The following MBOAT2 variants were observed in gnomAD, a reference collection of about 807,000 sequenced individuals.
The protein encoded by MBOAT2 is membrane-bound glycerophospholipid O-acyltransferase 2.
Under a neutral mutation model 63.4 loss-of-function variants are expected in MBOAT2, and 28 were observed. The ratio of observed to expected loss-of-function variants is 0.44; its 90% confidence interval spans 0.33 to 0.61. MBOAT2 has a LOEUF of 0.61. Among genes scored for constraint, MBOAT2 ranks in the 20% least tolerant of loss-of-function variants. The probability of loss-of-function intolerance (pLI) is 0.03; values close to 1 mark genes in which losing one functional copy is unlikely to be tolerated. For missense variants in MBOAT2, 470 were observed against 605.8 expected (o/e 0.78, Z 2.35); for synonymous variants, 211 against 215.6 (o/e 0.98, Z 0.19).
In MBOAT2 at chr2:8,853,078, A is replaced by G. The variant is rs1220185492; in HGVS notation, c.*5601T>C. 1 of 152,226 alleles carries G rather than the reference A, an allele frequency of 6.6e-6. No homozygotes were observed. The highest frequency in any genetic ancestry group is 2.4e-5 in the African/African-American group (1 of 41,458). 9.4% of individuals were successfully genotyped at this position (152,226 alleles called of 1,614,324 possible). Reference sequence around the variant, plus strand: ...TCATGTTTGGGCGACTGAGGGCTCAACTACTACTAGGCAGAGATCAAGACA... The same window carrying G: ...TCATGTTTGGGCGACTGAGGGCTCAGCTACTACTAGGCAGAGATCAAGACA... On this transcript the variant is annotated 3_prime_UTR_variant, in exon 13 of 13. Transcript: ENST00000305997.
chr2:8,978,712 A>G (rs1670999484), intron 1 of MBOAT2, among the ~76,000 whole-genome samples: 1 of 152,124 alleles, frequency 6.6e-6, no homozygotes, highest in South Asian at 2.1e-4. Context: ...TAGCTAATGC[A>G]TCGGAGCCTA....
intron 7 of MBOAT2, among the ~76,000 whole-genome samples, chr2:8,876,206 A>G (rs572109175): frequency 6.6e-6 from 1 of 152,204 alleles, no homozygotes; most frequent in East Asian, 1.9e-4. Context: ...CAAGTGCCCC[A>G]GTGGCTTAAA....
At chr2:8,960,366 C>A (rs1377461041) in intron 1 of MBOAT2, among the ~76,000 whole-genome samples, 6 of 152,172 alleles carry the variant, frequency 3.9e-5, no homozygotes, top group Admixed American at 2.0e-4. Flanking sequence ...GAGTCCCAGT[C>A]CTAGCTCAGG....
chr2:8,868,630 A>G (rs1228856388), intron 8 of MBOAT2, 81 bp from the exon 9 acceptor site: 10 of 1,103,878 alleles, frequency 9.1e-6, no homozygotes, highest in South Asian at 2.8e-5. Context: ...ATGTGTTATT[A>G]TATCTTTTAT....
chr2:9,003,661 G>T lies in MBOAT2; in HGVS notation c.-47C>A. ...CCGCCCGCGCCGCTCGCCCGCTCGC[G>T]CTGTGCCGGGCGACGACGAGGATGG... On this transcript the variant is annotated 5_prime_UTR_variant, in exon 1 of 13. Coordinates refer to ENST00000305997, the MANE Select transcript of MBOAT2 (RefSeq NM_138799.4). The surrounding 1 kb of genome is among the most constrained non-coding windows in gnomAD (Gnocchi z 5.4). The T allele has an allele frequency of 1.8e-6, 2 of 1,102,466 alleles. No individual in the cohort carries two copies. Among genetic ancestry groups the T allele is most frequent in the Non-Finnish European group, 2.2e-6 (2 of 902,060 alleles). The allele number at this position is 1,102,466 out of a possible 1,614,324, so 68.3% of individuals were successfully genotyped here.
intron 12 of MBOAT2, among the ~76,000 whole-genome samples, chr2:8,859,471 T>G (rs1352552294): frequency 6.6e-6 from 1 of 152,222 alleles, no homozygotes; most frequent in African/African-American, 2.4e-5. Flanking sequence ...TAACCTAAAC[T>G]GTATCTATAA....
At chr2:8,894,910 G>A (rs955953195) in intron 4 of MBOAT2, among the ~76,000 whole-genome samples, 4 of 151,746 alleles carry the variant, frequency 2.6e-5, no homozygotes, top group East Asian at 1.9e-4. Context: ...TGGTCTCCCC[G>A]ACTTCAGGAG....
intron 1 of MBOAT2, among the ~76,000 whole-genome samples, chr2:8,963,268 G>A (rs1669748120): frequency 6.6e-6 from 1 of 151,858 alleles, no homozygotes; most frequent in African/African-American, 2.4e-5. Flanking sequence ...GGGGGGCAGG[G>A]GGAGGGAAAA....
chr2:8,998,758 G>A (rs186235133), intron 1 of MBOAT2, among the ~76,000 whole-genome samples: 19 of 152,066 alleles, frequency 1.2e-4, no homozygotes, highest in African/African-American at 4.1e-4. Flanking sequence ...CTTCAGTGTC[G>A]ACTTCAGGGA....
At chr2:8,945,764 A>T (rs1217045481) in intron 2 of MBOAT2, among the ~76,000 whole-genome samples, 1 of 152,168 alleles carries the variant, frequency 6.6e-6, no homozygotes, top group African/African-American at 2.4e-5. Flanking sequence ...GTTTGTTTTC[A>T]GATATCACAT....
Position 8,912,827 on chromosome 2 carries a change from A to G in MBOAT2, c.300-4111T>C, listed in dbSNP as rs554257969. On this transcript the variant is annotated intron_variant, in intron 3 of 12. Transcript: ENST00000305997. ...AAAATACCACCATCATTCTTCACAG[A>G]GTTAGAAAAAGCAGTTCTAAAATTC... Among the ~76,000 whole-genome samples, 17 of 152,346 alleles carry G rather than the reference A, an allele frequency of 1.1e-4. No individual in the cohort carries two copies. The South Asian group carries it at 3.5e-3, about 32-fold the overall frequency.
At chr2:8,930,600 T>C (rs965756847) in intron 3 of MBOAT2, among the ~76,000 whole-genome samples, 4 of 151,546 alleles carry the variant, frequency 2.6e-5, no homozygotes, top group Non-Finnish European at 5.9e-5. Flanking sequence ...TACCCAGTAA[T>C]GGGACGGCTG....
At chr2:8,874,779 C>T (rs1039686701) in intron 7 of MBOAT2, among the ~76,000 whole-genome samples, 3 of 152,182 alleles carry the variant, frequency 2.0e-5, no homozygotes, top group African/African-American at 7.2e-5. Flanking sequence ...GAGCCCTCCT[C>T]CCCTTCCTGC....
At chr2:8,863,761 A>T (rs981564411) in intron 10 of MBOAT2, among the ~76,000 whole-genome samples, 2 of 152,218 alleles carry the variant, frequency 1.3e-5, no homozygotes, top group South Asian at 4.1e-4. Context: ...TAACAAATAA[A>T]GATTTGTTGA....
At chr2:8,868,641 T>A in intron 8 of MBOAT2, 92 bp from the exon 9 acceptor site, 2 of 980,672 alleles carry the variant, frequency 2.0e-6, no homozygotes, top group Non-Finnish European at 3.1e-6. Flanking sequence ...TATCTTTTAT[T>A]CTTAAACAGT....
intron 4 of MBOAT2, among the ~76,000 whole-genome samples, chr2:8,906,816 A>G (rs937098280): frequency 2.0e-5 from 3 of 152,268 alleles, no homozygotes; most frequent in African/African-American, 7.2e-5. Context: ...CAATTTGCCT[A>G]TGTAAATCAC....
intron 4 of MBOAT2, among the ~76,000 whole-genome samples, chr2:8,890,794 T>C (rs1459765780): frequency 6.6e-6 from 1 of 152,210 alleles, no homozygotes; most frequent in Non-Finnish European, 1.5e-5. Context: ...GTACTGAACT[T>C]ACAGGTGTGA....
At chr2:8,916,772 T>G (rs1223414860) in intron 3 of MBOAT2, among the ~76,000 whole-genome samples, 1 of 152,238 alleles carries the variant, frequency 6.6e-6, no homozygotes, top group Non-Finnish European at 1.5e-5. Context: ...ATTTGAATAC[T>G]AACTTTTTTA....
At chr2:8,880,500 C>G (rs1663032363) in intron 6 of MBOAT2, among the ~76,000 whole-genome samples, 1 of 152,156 alleles carries the variant, frequency 6.6e-6, no homozygotes, top group South Asian at 2.1e-4. Flanking sequence ...CATACAAAGA[C>G]CTTGAAATGG....
Sources: allele counts gnomAD v4.1 joint callset (sites outside exome capture counted in the v4.1 genomes callset), GRCh38; gene constraint gnomAD v4.1.1; non-coding constraint Gnocchi (gnomAD v3.1); transcripts MANE v1.5; gene names NCBI Gene and HGNC (gene_info 2026-07-23, HGNC 2026-07-21).